Variants in KLF12 observed in about 807,000 individuals in gnomAD.
KLF12 encodes the protein Krueppel-like factor 12.
KLF12 carries 9 observed loss-of-function variants against 37.8 expected under a neutral mutation model. That is an observed-to-expected ratio of 0.24 (90% CI 0.14 to 0.42). The LOEUF is 0.42. Among genes scored for constraint, KLF12 ranks in the 10% least tolerant of loss-of-function variants. The probability of loss-of-function intolerance (pLI) is 1.00; values close to 1 mark genes in which losing one functional copy is unlikely to be tolerated. For missense variants in KLF12, 411 were observed against 516.0 expected (o/e 0.80, Z 1.97); for synonymous variants, 208 against 202.1 (o/e 1.03, Z -0.25).
the KLF12 span, among the ~76,000 whole-genome samples, chr13:74,275,662 T>G: frequency 2.0e-5 from 3 of 151,914 alleles, no homozygotes; most frequent in South Asian, 2.1e-4. Context: ...TATCAAAACT[T>G]TCCTGCCTCT....
the KLF12 span, among the ~76,000 whole-genome samples, chr13:74,139,848 TCTGAACTATAGGTATCCTTGCTTTTTTAA>T: frequency 6.6e-6 from 1 of 152,010 alleles, no homozygotes; most frequent in African/African-American, 2.4e-5. Context: ...GCATATGAGA[TCTGAACTATAGGTATCCTTGCTTTTTTAA>T]CTTTACAAAT....
chr13:74,272,090 T>A, the KLF12 span, among the ~76,000 whole-genome samples: 11 of 152,236 alleles, frequency 7.2e-5, no homozygotes. Flanking sequence ...ATTGCCATCA[T>A]AAATAAAAAT....
the KLF12 span, among the ~76,000 whole-genome samples, chr13:74,183,746 G>A: frequency 6.6e-6 from 1 of 152,104 alleles, no homozygotes; most frequent in East Asian, 1.9e-4. Flanking sequence ...GACCAGCCTG[G>A]CCAATATAGG....
chr13:73,709,405 A>T (rs1189676492), intron 7 of KLF12, among the ~76,000 whole-genome samples: 1 of 152,200 alleles, frequency 6.6e-6, no homozygotes, highest in Non-Finnish European at 1.5e-5. Context: ...TGTTGGTCAC[A>T]CACAAGTAAC....
At chr13:74,112,188 A>ATG (rs571992392) in intron 1 of KLF12, among the ~76,000 whole-genome samples, 75 of 134,628 alleles carry the variant, frequency 5.6e-4, no homozygotes, top group African/African-American at 1.7e-3. Flanking sequence ...ATAAACGTTT[A>ATG]TGTGTGTGTG....
At chr13:74,247,055 G>T in the KLF12 span, among the ~76,000 whole-genome samples, 2 of 152,146 alleles carry the variant, frequency 1.3e-5, no homozygotes, top group Admixed American at 6.5e-5. Context: ...CGATCTTATT[G>T]TACTAATAAT....
the KLF12 span, among the ~76,000 whole-genome samples, chr13:74,198,375 C>G: frequency 6.6e-6 from 1 of 152,130 alleles, no homozygotes; most frequent in Non-Finnish European, 1.5e-5. Context: ...CTGGGCACTA[C>G]CTGGGAAGGT....
intron 3 of KLF12, among the ~76,000 whole-genome samples, chr13:73,850,756 C>T (rs1302011217): frequency 6.6e-6 from 1 of 152,212 alleles, no homozygotes; most frequent in Non-Finnish European, 1.5e-5. Flanking sequence ...AGCTATCTAT[C>T]TATCCTTTCA....
intron 1 of KLF12, among the ~76,000 whole-genome samples, chr13:74,056,901 G>A (rs995193957): frequency 6.6e-6 from 1 of 152,190 alleles, no homozygotes; most frequent in Non-Finnish European, 1.5e-5. Flanking sequence ...GCCTGGTAAA[G>A]GAGTGAAAAG....
the KLF12 span, among the ~76,000 whole-genome samples, chr13:74,298,363 G>T: frequency 6.6e-6 from 1 of 152,184 alleles, no homozygotes; most frequent in Non-Finnish European, 1.5e-5. Context: ...GTCATCTGCT[G>T]TTCCCATGTT....
chr13:74,121,458 TAAACA>T (rs879525876), intron 1 of KLF12, among the ~76,000 whole-genome samples: 8 of 151,896 alleles, frequency 5.3e-5, no homozygotes, highest in African/African-American at 1.9e-4. Context: ...ATTATCCCAT[TAAACA>T]AAACAAAACA....
intron 1 of KLF12, among the ~76,000 whole-genome samples, chr13:74,060,490 G>GTGTGCGTC (rs1555336641): frequency 3.0e-5 from 3 of 98,652 alleles, no homozygotes; most frequent in African/African-American, 1.0e-4. Context: ...GGTTTTGTGT[G>GTGTGCGTC]TGTGTGTGTG....
chr13:74,060,333 T>C (rs1162956821), intron 1 of KLF12, among the ~76,000 whole-genome samples: 1 of 152,170 alleles, frequency 6.6e-6, no homozygotes, highest in East Asian at 1.9e-4. Context: ...GTCGAATCTG[T>C]AGATTACTTT....
chr13:73,908,675 T>C (rs1888429283), intron 3 of KLF12, among the ~76,000 whole-genome samples: 1 of 151,910 alleles, frequency 6.6e-6, no homozygotes, highest in Non-Finnish European at 1.5e-5. Flanking sequence ...AGACAGGGCT[T>C]CACCATATTG....
chr13:73,710,378 C>CTGTGTG (rs59799453), intron 7 of KLF12, among the ~76,000 whole-genome samples: 566 of 143,994 alleles, frequency 3.9e-3, no homozygotes, highest in South Asian at 9.5e-3. Flanking sequence ...AAGATATTGT[C>CTGTGTG]TGTGTGTGTG....
Position 73,690,068 on chromosome 13 carries a change from G to A in KLF12, c.*5422C>T, listed in dbSNP as rs577535248. ...AGGTATATTTGAAAGCTATAAAAGCGTTTTTTGTGGGCATGTGAACAGATT... is the reference window on the plus strand; with the variant it reads ...AGGTATATTTGAAAGCTATAAAAGCATTTTTTGTGGGCATGTGAACAGATT... On this transcript the variant is annotated 3_prime_UTR_variant, in exon 8 of 8. Coordinates refer to ENST00000377669, the MANE Select transcript of KLF12 (RefSeq NM_007249.5). 7.9e-5 allele frequency: 12 copies of A among 152,502 alleles called. No homozygotes were observed. In the South Asian group the frequency reaches 8.3e-4, roughly 11 times the overall value. 9.4% of individuals were successfully genotyped at this position (152,502 alleles called of 1,614,324 possible).
At chr13:73,960,942 A>T (rs927183438) in intron 2 of KLF12, among the ~76,000 whole-genome samples, 16 of 151,982 alleles carry the variant, frequency 1.1e-4, no homozygotes, top group African/African-American at 3.9e-4. Flanking sequence ...CTTTAATTTT[A>T]TTTATTTATT....
At chr13:73,888,008 ATT>A (rs35761111) in intron 3 of KLF12, among the ~76,000 whole-genome samples, 1 of 147,660 alleles carries the variant, frequency 6.8e-6, no homozygotes, top group Non-Finnish European at 1.5e-5. Context: ...AAATTTCAGA[ATT>A]TTTTTTTTTT....
chr13:73,818,923 A>G (rs1473706451), intron 4 of KLF12, among the ~76,000 whole-genome samples: 1 of 152,214 alleles, frequency 6.6e-6, no homozygotes, highest in Non-Finnish European at 1.5e-5. Flanking sequence ...TGTCCCAGTT[A>G]GAGAAACCCC....
Sources: allele counts gnomAD v4.1 joint callset (sites outside exome capture counted in the v4.1 genomes callset), GRCh38; gene constraint gnomAD v4.1.1; transcripts MANE v1.5; gene names NCBI Gene and HGNC (gene_info 2026-07-23, HGNC 2026-07-21).